The following HMCN2 variants were observed in gnomAD, a reference collection of about 807,000 sequenced individuals.
The protein encoded by HMCN2 is hemicentin 2, also known as hemicentin-2.
Under a neutral mutation model 377.5 loss-of-function variants are expected in HMCN2, and 325 were observed. The observed-to-expected ratio is 0.86, with a 90% CI of 0.79 to 0.94. The LOEUF is 0.94. HMCN2 is among the 40% of genes least tolerant of loss of function. The probability of loss-of-function intolerance (pLI) is 0.00; values close to 1 mark genes in which losing one functional copy is unlikely to be tolerated. For missense variants in HMCN2, 4,543 were observed against 4,725.3 expected, an observed-to-expected ratio of 0.96 and a Z score of 1.13; for synonymous variants, 2,007 against 2,046.8, an observed-to-expected ratio of 0.98 and a Z score of 0.53.
At chr9:130,343,058 G>A (rs1304328147) in intron 25 of HMCN2, among the ~76,000 whole-genome samples, 1 of 152,224 alleles carries the variant, frequency 6.6e-6, no homozygotes, top group Non-Finnish European at 1.5e-5. Flanking sequence ...GCATGGAGCT[G>A]CTGTGGGAAC....
At chr9:130,283,412 AC>A (rs570957385) in intron 1 of HMCN2, among the ~76,000 whole-genome samples, 258 of 51,690 alleles carry the variant, frequency 5.0e-3, no homozygotes, top group Non-Finnish European at 8.3e-3. Flanking sequence ...ACCTCCTCCC[AC>A]CCCCAACCCA....
In HMCN2 at chr9:130,428,365, C is replaced by A. The variant is rs752861799; in HGVS notation, c.14073C>A (p.Asp4691Glu). ...GCCCTGATCTGCCCCCAGATGTGGA[C>A]GAGTGTGCGTGGGATGCTCACCTCT... ...AWDDRNCRDV[D>E]ECAWDAHLCR... Residue 4691 changes from aspartate (D) to glutamate (E), a missense_variant, in exon 93 of 98, where the codon GAC (aspartate) becomes GAA (glutamate). By Grantham distance (45) the Asp-to-Glu change is conservative. This residue lies in a region of HMCN2 where 1,155 missense variants were observed against 1,157.7 expected (regional missense o/e 1.00). Transcript: ENST00000683500. The surrounding 1 kb of genome is among the most constrained non-coding windows in gnomAD (Gnocchi z 5.0). The A allele has an allele frequency of 6.5e-7, 1 of 1,546,690 alleles. No individual in the cohort carries two copies. Among genetic ancestry groups the A allele is most frequent in the Admixed American group, 2.0e-5 (1 of 50,956 alleles).
At chr9:130,419,089 T>G (rs2131786863) in intron 86 of HMCN2, 48 bp downstream of exon 86, 40 of 1,435,070 alleles carry the variant, frequency 2.8e-5, no homozygotes, top group Non-Finnish European at 3.3e-5. Context: ...GCAGGATCTC[T>G]TGCCGATGGG....
At chr9:130,358,310 C>G (rs1367907581) in intron 35 of HMCN2, 80 bp from the exon 36 acceptor site, 2 of 1,295,656 alleles carry the variant, frequency 1.5e-6, no homozygotes, top group South Asian at 2.5e-5. Context: ...CCCCCGGGCT[C>G]GGCAGCAGCC....
In HMCN2 at chr9:130,310,080, T is replaced by TC. The variant is rs782698108; in HGVS notation, c.2350+24dup. ...GTTGGACGTGAGTGTATACCTTGTC[T>TC]CCCCCTCCCCTGCCCATTCCCCTTT... On this transcript the variant is annotated intron_variant, in intron 15 of 97. Transcript: ENST00000683500. 2.0e-6 allele frequency: 1 copy of TC among 510,978 alleles called. No individual in the cohort carries two copies. The highest frequency in any genetic ancestry group is 5.7e-5 in the East Asian group (1 of 17,430). The allele number at this position is 510,978 out of a possible 1,614,324, so 31.7% of individuals were successfully genotyped here.
chr9:130,306,376 T>C, intron 12 of HMCN2, 106 bp downstream of exon 12: 1 of 412,918 alleles, frequency 2.4e-6, no homozygotes. Context: ...GGGAAGAGAA[T>C]TTGCCTTCCT....
chr9:130,337,009 GCGACTGGGC>G (rs1838787977), intron 22 of HMCN2, among the ~76,000 whole-genome samples: 1 of 152,172 alleles, frequency 6.6e-6, no homozygotes, highest in South Asian at 2.1e-4. Flanking sequence ...CGCAGGGCCA[GCGACTGGGC>G]CTTGGAGTCC....
At position 130,425,042 on chromosome 9, in the gene HMCN2, G is replaced by A. The variant is rs969851862; in HGVS notation, c.13553G>A (p.Gly4518Asp). The change falls in exon 89 of 98, where the codon GGT becomes GAT. Residue 4518 changes from glycine to aspartate, a missense_variant. By Grantham distance (94) the Gly-to-Asp change is moderately conservative. Transcript: ENST00000683500. ...ELLTMTQVAR[G>D]LDPDGLLLLD... ...CTCACGATGACCCAGGTGGCCCGGG[G>A]TCTGGATCCCGATGGCCTCCTGCTC... 190 of 1,549,904 alleles carry A rather than the reference G, an allele frequency of 1.2e-4. No individual in the cohort carries two copies. The highest frequency in any genetic ancestry group is 1.6e-4 in the Non-Finnish European group (185 of 1,146,724).
chr9:130,395,247 T>C lies in HMCN2; in HGVS notation c.10811T>C (p.Phe3604Ser). The C allele has an allele frequency of 7.8e-7, 1 of 1,289,370 alleles. No individual in the cohort carries two copies. The highest frequency in any genetic ancestry group is 1.0e-6 in the Non-Finnish European group (1 of 988,692). The allele number at this position is 1,289,370 out of a possible 1,614,324, so 79.9% of individuals were successfully genotyped here. A position where few individuals can be genotyped will look rare whatever the true frequency, so the allele number is the denominator to read the frequency against. ...PNIVGPRGPRFVVGLAPGQLV... is the reference protein window; with the variant it reads ...PNIVGPRGPRSVVGLAPGQLV... ...ATTGTTGGGCCCCGAGGCCCCCGCT[T>C]TGTGGTCGGCCTGGCCCCAGGGCAG... The change falls in exon 71 of 98, where the codon TTT becomes TCT. Residue 3604 changes from phenylalanine (F) to serine (S), a missense_variant. Around this residue, in one of 5 missense-constraint regions of HMCN2, gnomAD observed 1,073 missense variants for 1,319.5 expected, o/e 0.81. Transcript: ENST00000683500.
chr9:130,407,767 A>G, intron 83 of HMCN2, 62 bp downstream of exon 83: 20 of 1,137,420 alleles, frequency 1.8e-5, no homozygotes, highest in Non-Finnish European at 2.1e-5. Flanking sequence ...GACCCAATCT[A>G]TTGGTTTCCT....
intron 85 of HMCN2, among the ~76,000 whole-genome samples, chr9:130,413,870 G>A (rs956901216): frequency 6.6e-6 from 1 of 152,052 alleles, no homozygotes; most frequent in East Asian, 1.9e-4. Context: ...CCCTAACTGG[G>A]TGTGGTGGCT....
At position 130,422,719 on chromosome 9, in the gene HMCN2, A is replaced by T; in HGVS notation, c.13374A>T (p.Ala4458=). Residue 4458 remains alanine (A), a synonymous_variant, in exon 87 of 98, where the codon GCA becomes GCT. Transcript: ENST00000683500. The surrounding 1 kb of genome is among the most constrained non-coding windows in gnomAD (Gnocchi z 4.2). ...ACAGCAGCATCCGCCATGTCCCAGCAAACGTGGGTGAGTGGAAGGCAGAGC... is the reference window on the plus strand; with the variant it reads ...ACAGCAGCATCCGCCATGTCCCAGCTAACGTGGGTGAGTGGAAGGCAGAGC... ...SIHSSIRHVP[A]NVGPLMRVLV... The T allele has an allele frequency of 7.8e-7, 1 of 1,282,284 alleles. No individual in the cohort carries two copies. Among genetic ancestry groups the T allele is most frequent in the Non-Finnish European group, 9.9e-7 (1 of 1,005,868 alleles). 79.4% of individuals were successfully genotyped at this position (1,282,284 alleles called of 1,614,324 possible).
intron 85 of HMCN2, among the ~76,000 whole-genome samples, chr9:130,417,158 C>G (rs1170489066): frequency 3.3e-5 from 5 of 151,524 alleles, no homozygotes; most frequent in African/African-American, 1.2e-4. Context: ...AGCAATCCAC[C>G]CACCTCAGCC....
chr9:130,395,359 G>A lies in HMCN2; in HGVS notation c.10911+12G>A. The A allele has an allele frequency of 1.6e-6, 2 of 1,283,716 alleles. No homozygotes were observed. Among genetic ancestry groups the A allele is most frequent in the Non-Finnish European group, 2.0e-6 (2 of 985,946 alleles). The allele number at this position is 1,283,716 out of a possible 1,614,324, so 79.5% of individuals were successfully genotyped here. A position where few individuals can be genotyped will look rare whatever the true frequency, so the allele number is the denominator to read the frequency against. ...GCATTGTGCTGCAGGTGGGCGCCAGGCAGGGCCCCAGGGTGCTGCCTTCTG... is the reference window on the plus strand; with the variant it reads ...GCATTGTGCTGCAGGTGGGCGCCAGACAGGGCCCCAGGGTGCTGCCTTCTG... On this transcript the variant is annotated intron_variant, in intron 71 of 97. Transcript: ENST00000683500.
At chr9:130,395,768 G>A (rs555989257) in intron 71 of HMCN2, among the ~76,000 whole-genome samples, 156 bp from the exon 72 acceptor site, 32 of 152,184 alleles carry the variant, frequency 2.1e-4, no homozygotes, top group Non-Finnish European at 3.4e-4. Context: ...TCCTTAGAGG[G>A]TCCTCGGCGG....
At chr9:130,390,072 C>T (rs545368131) in intron 62 of HMCN2, among the ~76,000 whole-genome samples, 2 of 152,310 alleles carry the variant, frequency 1.3e-5, no homozygotes, top group East Asian at 3.9e-4. Context: ...CCTGTGTCAT[C>T]GCCTCTCGCG....
intron 2 of HMCN2, 135 bp downstream of exon 2, chr9:130,284,808 CT>C: frequency 2.4e-6 from 1 of 419,568 alleles, no homozygotes; most frequent in Non-Finnish European, 4.9e-6. Flanking sequence ...GTGTGGCTTC[CT>C]TAGGCCATCT....
Position 130,433,657 on chromosome 9 carries a change from C to CGTCTTGCT in HMCN2, c.15205_15212dup (p.Ile5072SerfsTer23), listed in dbSNP as rs1844912449. ...CGGCACCGCGCCACCAAAGCGTCTT[C>CGTCTTGCT]GTCTTGCTCATCGCCGTGTCCCCCT... On this transcript the variant is annotated frameshift_variant, in exon 98 of 98. Coordinates refer to ENST00000683500, the MANE Select transcript of HMCN2 (RefSeq NM_001291815.2). LOFTEE classifies it high-confidence loss of function. 3 of 1,515,598 alleles carry CGTCTTGCT rather than the reference C, an allele frequency of 2.0e-6. No homozygotes were observed. In the African/African-American group the frequency reaches 4.4e-5, roughly 22 times the overall value. The allele number at this position is 1,515,598 out of a possible 1,614,324, so 93.9% of individuals were successfully genotyped here. A position where few individuals can be genotyped will look rare whatever the true frequency, so the allele number is the denominator to read the frequency against.
intron 1 of HMCN2, among the ~76,000 whole-genome samples, chr9:130,270,166 T>C (rs1834340019): frequency 2.7e-5 from 4 of 148,246 alleles, no homozygotes; most frequent in Admixed American, 1.3e-4. Context: ...GTTGCTTGTC[T>C]TTTAGTATTT....
Sources: allele counts gnomAD v4.1 joint callset (sites outside exome capture counted in the v4.1 genomes callset), GRCh38; gene constraint gnomAD v4.1.1; regional missense constraint gnomAD v4.1.1; non-coding constraint Gnocchi (gnomAD v3.1); transcripts MANE v1.5; gene names NCBI Gene and HGNC (gene_info 2026-07-23, HGNC 2026-07-21).